Variants in SYNPR observed in about 807,000 individuals in gnomAD.
SYNPR encodes synaptoporin.
Under a neutral mutation model 32.9 loss-of-function variants are expected in SYNPR, and 23 were observed. That is an observed-to-expected ratio of 0.70 (90% CI 0.50 to 0.99). The LOEUF is 0.99. SYNPR is among the 50% of genes least tolerant of loss of function. SYNPR has a pLI of 0.00. For missense variants in SYNPR, 318 were observed against 349.3 expected, an observed-to-expected ratio of 0.91 and a Z score of 0.71; for synonymous variants, 146 against 135.9, an observed-to-expected ratio of 1.07 and a Z score of -0.52.
chr3:63,418,485 C>G (rs568676571), intron 2 of SYNPR, among the ~76,000 whole-genome samples: 3 of 152,150 alleles, frequency 2.0e-5, no homozygotes, highest in Non-Finnish European at 4.4e-5. Flanking sequence ...TTTACAGCAG[C>G]GCCCCTCTCT....
intron 2 of SYNPR, among the ~76,000 whole-genome samples, chr3:63,403,454 A>G (rs2088319688): frequency 6.6e-6 from 1 of 151,712 alleles, no homozygotes; most frequent in Admixed American, 6.6e-5. Context: ...ACACACACAC[A>G]CACACACACA....
At chr3:63,559,703 G>A (rs1285240165) in intron 4 of SYNPR, among the ~76,000 whole-genome samples, 1 of 144,910 alleles carries the variant, frequency 6.9e-6, no homozygotes, top group Non-Finnish European at 1.5e-5. Flanking sequence ...TTGGGCAAGT[G>A]TTTTTTTTTT....
intron 2 of SYNPR, among the ~76,000 whole-genome samples, chr3:63,397,597 C>G (rs922122364): frequency 6.6e-6 from 1 of 152,140 alleles, no homozygotes; most frequent in African/African-American, 2.4e-5. Context: ...AGGTCTTACT[C>G]GCTCTGAAGT....
chr3:63,408,320 G>GAAAGAAAGAA (rs2088412260), intron 2 of SYNPR, among the ~76,000 whole-genome samples: 2 of 73,684 alleles, frequency 2.7e-5, no homozygotes, highest in Admixed American at 1.3e-4. Flanking sequence ...AGGAAGGAAG[G>GAAAGAAAGAA]AAAGAAAGAA....
In SYNPR at chr3:63,586,361, A is replaced by G. The variant is rs1317553502; in HGVS notation, c.409-22764A>G. ...AAACAGAAAATTTTTCGTAATTGCCAAAGGTCAAATGCAGAAAAAAAATGC... is the reference window on the plus strand; with the variant it reads ...AAACAGAAAATTTTTCGTAATTGCCGAAGGTCAAATGCAGAAAAAAAATGC... On this transcript the variant is annotated intron_variant, in intron 4 of 5. Coordinates refer to ENST00000478300, the MANE Select transcript of SYNPR (RefSeq NM_001130003.2). Among the ~76,000 whole-genome samples the G allele has an allele frequency of 5.9e-5, 9 of 152,174 alleles. No homozygotes were observed. The East Asian group carries it at 1.4e-3, about 23-fold the overall frequency.
intron 2 of SYNPR, among the ~76,000 whole-genome samples, chr3:63,383,049 T>A (rs772186157): frequency 6.6e-6 from 1 of 152,234 alleles, no homozygotes; most frequent in Non-Finnish European, 1.5e-5. Context: ...GTTGTAGAGA[T>A]CTTCACACTA....
At chr3:63,315,971 A>C (rs1415148400) in intron 2 of SYNPR, among the ~76,000 whole-genome samples, 1 of 151,812 alleles carries the variant, frequency 6.6e-6, no homozygotes, top group Non-Finnish European at 1.5e-5. Flanking sequence ...TTTGTTGAAT[A>C]CTTTTTCTGC....
At chr3:63,608,072 T>C (rs1460487117) in intron 4 of SYNPR, among the ~76,000 whole-genome samples, 2 of 152,176 alleles carry the variant, frequency 1.3e-5, no homozygotes, top group Non-Finnish European at 2.9e-5. Context: ...GCATGTAACA[T>C]TTTTACAATA....
At chr3:63,249,455 A>C (rs763810892) in intron 1 of SYNPR, among the ~76,000 whole-genome samples, 3 of 152,272 alleles carry the variant, frequency 2.0e-5, no homozygotes, top group Middle Eastern at 3.4e-3. Flanking sequence ...TCTTACATAA[A>C]TTCTTAAGCT....
intron 2 of SYNPR, among the ~76,000 whole-genome samples, chr3:63,412,336 T>A (rs185486048): frequency 9.2e-5 from 14 of 152,256 alleles, no homozygotes; most frequent in African/African-American, 2.4e-4. Flanking sequence ...TCTTTATTGA[T>A]CTTAAAAGCA....
intron 2 of SYNPR, among the ~76,000 whole-genome samples, chr3:63,436,251 A>T (rs1214460575): frequency 1.3e-5 from 2 of 151,568 alleles, no homozygotes; most frequent in Non-Finnish European, 2.9e-5. Context: ...TTACATATGT[A>T]TGCATGTGCC....
chr3:63,524,770 A>G (rs1350489542), intron 3 of SYNPR, among the ~76,000 whole-genome samples: 1 of 151,202 alleles, frequency 6.6e-6, no homozygotes, highest in East Asian at 1.9e-4. Context: ...ATGCTATGCT[A>G]TTTTTTACTC....
chr3:63,576,749 C>G (rs143566255), intron 4 of SYNPR, among the ~76,000 whole-genome samples: 1 of 141,502 alleles, frequency 7.1e-6, no homozygotes, highest in Non-Finnish European at 1.5e-5. Flanking sequence ...TGAGATTGCA[C>G]AACTACACTC....
At position 63,615,722 on chromosome 3, in the gene SYNPR, T is replaced by C. The variant is rs1700269730; in HGVS notation, c.*241T>C. On this transcript the variant is annotated 3_prime_UTR_variant, in exon 6 of 6. Transcript: ENST00000478300. ...TAATTGGAGAGTACCTTGTTATATA[T>C]ACAGATACTTTCATGGTCATTTTGT... 4.6e-6 allele frequency: 2 copies of C among 431,626 alleles called. No individual in the cohort carries two copies. The highest frequency in any genetic ancestry group is 4.7e-5 in the South Asian group (1 of 21,272). 26.7% of individuals were successfully genotyped at this position (431,626 alleles called of 1,614,324 possible).
chr3:63,612,326 G>C (rs1415805954), intron 5 of SYNPR, among the ~76,000 whole-genome samples: 1 of 152,216 alleles, frequency 6.6e-6, no homozygotes, highest in Admixed American at 6.5e-5. Flanking sequence ...ATGTCATACA[G>C]TGTTAGAGCC....
intron 2 of SYNPR, among the ~76,000 whole-genome samples, chr3:63,289,833 T>A (rs1354294009): frequency 6.6e-6 from 1 of 152,114 alleles, no homozygotes; most frequent in Non-Finnish European, 1.5e-5. Flanking sequence ...AAAAGACTAA[T>A]AAAAAACTCC....
intron 2 of SYNPR, among the ~76,000 whole-genome samples, chr3:63,255,901 AAC>A (rs1311681817): frequency 2.0e-5 from 3 of 152,222 alleles, no homozygotes; most frequent in Non-Finnish European, 4.4e-5. Flanking sequence ...GGTGTTAGCA[AAC>A]GGCACACCAG....
chr3:63,434,890 A>G (rs7639959), intron 2 of SYNPR, among the ~76,000 whole-genome samples: 1 of 152,118 alleles, frequency 6.6e-6, no homozygotes, highest in Non-Finnish European at 1.5e-5. Context: ...ATAAGCAAAG[A>G]CTTATTTAGT....
At chr3:63,356,394 A>C (rs2087577991) in intron 2 of SYNPR, among the ~76,000 whole-genome samples, 1 of 152,206 alleles carries the variant, frequency 6.6e-6, no homozygotes, top group Admixed American at 6.5e-5. Flanking sequence ...TTTATTAAAC[A>C]CTCATTATGT....
Sources: gnomAD v4.1 joint callset for allele counts (sites outside exome capture counted in the v4.1 genomes callset) on GRCh38, gnomAD v4.1.1 for gene constraint, MANE v1.5 for transcripts, NCBI Gene and HGNC (gene_info 2026-07-23, HGNC 2026-07-21) for gene names.